The following NFATC2 variants were observed in gnomAD, a reference collection of about 807,000 sequenced individuals.
The protein encoded by NFATC2 is nuclear factor of activated T-cells, cytoplasmic 2.
Under a neutral mutation model 87.3 loss-of-function variants are expected in NFATC2, and 22 were observed. The ratio of observed to expected loss-of-function variants is 0.25; its 90% CI spans 0.18 to 0.36. NFATC2 has a LOEUF of 0.36. NFATC2 is among the 10% of genes least tolerant of loss of function. The pLI is 1.00. For missense variants in NFATC2, 1,149 were observed against 1,259.1 expected (o/e 0.91, Z 1.32); for synonymous variants, 565 against 542.2 (o/e 1.04, Z -0.58).
In NFATC2 at chr20:51,524,497, T is replaced by G. The variant is rs573568169; in HGVS notation, c.131-387A>C. Among the ~76,000 whole-genome samples, 312 of 152,250 alleles carry G rather than the reference T, an allele frequency of 2.0e-3. No individual in the cohort carries two copies. Among genetic ancestry groups the G allele is most frequent in the Non-Finnish European group, 3.5e-3 (239 of 67,998 alleles). ...CTACATGACACCCTCAGACCCTCCC[T>G]CCTGCCTGAGTGATTTTGCTTCAAC... On this transcript the variant is annotated intron_variant, in intron 1 of 10. Coordinates refer to ENST00000371564, the MANE Select transcript of NFATC2 (RefSeq NM_012340.5). The surrounding 1 kb of genome is among the most constrained non-coding windows in gnomAD (Gnocchi z 4.0).
chr20:51,559,862 T>C (rs1461294637), intron 1 of NFATC2, among the ~76,000 whole-genome samples: 1 of 152,238 alleles, frequency 6.6e-6, no homozygotes, highest in Non-Finnish European at 1.5e-5. Flanking sequence ...GAACTGAGCA[T>C]TTTACATGCA....
chr20:51,400,212 C>G (rs556872693), intron 9 of NFATC2, among the ~76,000 whole-genome samples: 1 of 152,216 alleles, frequency 6.6e-6, no homozygotes, highest in African/African-American at 2.4e-5. Flanking sequence ...CACGCCACTC[C>G]CTGTTTTGCT....
intron 2 of NFATC2, among the ~76,000 whole-genome samples, chr20:51,521,589 G>A (rs149110510): frequency 7.5e-4 from 114 of 152,296 alleles, no homozygotes; most frequent in African/African-American, 2.5e-3. Flanking sequence ...CCAAAGTGCT[G>A]GGATTACAGG....
chr20:51,541,980 C>G (rs1292014080), intron 1 of NFATC2, among the ~76,000 whole-genome samples: 4 of 152,174 alleles, frequency 2.6e-5, no homozygotes, highest in Non-Finnish European at 5.9e-5. Flanking sequence ...TAACTCCATT[C>G]TTCGCTTCCT....
intron 9 of NFATC2, among the ~76,000 whole-genome samples, chr20:51,427,511 C>T (rs568253875): frequency 6.6e-6 from 1 of 152,322 alleles, no homozygotes; most frequent in African/African-American, 2.4e-5. Flanking sequence ...ATGCTCCTGT[C>T]ACGGGATTCG....
chr20:51,414,220 C>T lies in NFATC2; in HGVS notation c.2723-15490G>A, dbSNP rs139281302. 7.4e-3 allele frequency among the ~76,000 whole-genome samples: 1,124 copies of T among 152,126 alleles called. 13 individuals carry two copies. The highest frequency in any genetic ancestry group is 0.026 in the African/African-American group (1,062 of 41,486). On this transcript the variant is annotated intron_variant, in intron 9 of 10. Coordinates refer to ENST00000371564, the MANE Select transcript of NFATC2 (RefSeq NM_012340.5). ...AGTCAGCAGTGCAGACAAGTCACAG[C>T]ATTTGTCCTCACTACCCAGAGACTC...
rs548265325 is a variant in NFATC2 at position 51,480,396 on chromosome 20, C to T, written c.1333-4736G>A. Reference sequence around the variant, plus strand: ...TGGAGGGAGAGAAACAAACAGCAACCTAAACAAACAAAAACGGTAGTTCCT... The same window carrying T: ...TGGAGGGAGAGAAACAAACAGCAACTTAAACAAACAAAAACGGTAGTTCCT... On this transcript the variant is annotated intron_variant, in intron 3 of 10. Transcript: ENST00000371564. This position sits in a 1 kb window ranked among gnomAD's most constrained non-coding sequence, Gnocchi z 4.2. 1.4e-3 allele frequency among the ~76,000 whole-genome samples: 213 copies of T among 152,174 alleles called. No individual in the cohort carries two copies. Among genetic ancestry groups the T allele is most frequent in the African/African-American group, 4.6e-3 (191 of 41,532 alleles).
chr20:51,502,804 A>G (rs1481837813), intron 3 of NFATC2, among the ~76,000 whole-genome samples: 1 of 152,226 alleles, frequency 6.6e-6, no homozygotes, highest in East Asian at 1.9e-4. Context: ...CTAGGACAGC[A>G]TTTACAGTTT....
At chr20:51,527,431 C>T (rs946544145) in intron 1 of NFATC2, among the ~76,000 whole-genome samples, 1 of 152,192 alleles carries the variant, frequency 6.6e-6, no homozygotes, top group African/African-American at 2.4e-5. Context: ...GTTCTGTGCA[C>T]ATCTCACCAT....
intron 3 of NFATC2, among the ~76,000 whole-genome samples, chr20:51,488,556 T>C (rs1467753770): frequency 1.3e-5 from 2 of 152,162 alleles, no homozygotes; most frequent in African/African-American, 4.8e-5. Context: ...TCACTCCTAT[T>C]GAGAAACATT....
At chr20:51,411,877 C>G (rs1161425887) in intron 9 of NFATC2, among the ~76,000 whole-genome samples, 1 of 152,162 alleles carries the variant, frequency 6.6e-6, no homozygotes. Flanking sequence ...AGTAGGCACT[C>G]TGCAGATGTG....
chr20:51,499,617 T>G (rs760893444), intron 3 of NFATC2, among the ~76,000 whole-genome samples: 1 of 151,648 alleles, frequency 6.6e-6, no homozygotes, highest in Non-Finnish European at 1.5e-5. Flanking sequence ...CCAGGCGTGG[T>G]GGCTAATACC....
chr20:51,543,639 A>C (rs981682563), upstream of NFATC2, among the ~76,000 whole-genome samples: 1 of 152,164 alleles, frequency 6.6e-6, no homozygotes, highest in Non-Finnish European at 1.5e-5. Context: ...TGCTTGTTTA[A>C]AGCATGATTC....
intron 9 of NFATC2, among the ~76,000 whole-genome samples, chr20:51,425,883 C>T (rs1600706007): frequency 1.3e-5 from 2 of 152,294 alleles, no homozygotes; most frequent in African/African-American, 4.8e-5. Flanking sequence ...AAACCTGGGC[C>T]ACTGGTCCAC....
intron 9 of NFATC2, among the ~76,000 whole-genome samples, chr20:51,408,640 A>C (rs947143738): frequency 6.6e-6 from 1 of 152,164 alleles, no homozygotes; most frequent in Non-Finnish European, 1.5e-5. Flanking sequence ...CCATACAAAA[A>C]AACAGTGAAA....
upstream of NFATC2, chr20:51,562,761 C>A (rs1601031140): frequency 1.0e-5 from 8 of 783,724 alleles, no homozygotes; most frequent in East Asian, 2.3e-4. The surrounding 1 kb of genome is among the most constrained non-coding windows in gnomAD (Gnocchi z 5.8). Flanking sequence ...CGGAGCGACC[C>A]GGGAGCTGCG....
intron 3 of NFATC2, among the ~76,000 whole-genome samples, chr20:51,514,483 A>C (rs1256442338): frequency 6.6e-6 from 1 of 152,216 alleles, no homozygotes; most frequent in African/African-American, 2.4e-5. Flanking sequence ...ATGGTCTAAG[A>C]GAGAGAGACA....
At position 51,539,794 on chromosome 20, in the gene NFATC2, C is replaced by A. The variant is rs538127213; in HGVS notation, c.130+2576G>T. 1.9e-4 allele frequency among the ~76,000 whole-genome samples: 29 copies of A among 152,150 alleles called. No individual in the cohort carries two copies. The East Asian group carries it at 5.2e-3, about 28-fold the overall frequency. ...GATTGCAGGCATGAGCCACCACTCCCGGCCACAGCATCCCTTCTCTTTCTG... is the reference window on the plus strand; with the variant it reads ...GATTGCAGGCATGAGCCACCACTCCAGGCCACAGCATCCCTTCTCTTTCTG... On this transcript the variant is annotated intron_variant, in intron 1 of 10. Coordinates refer to ENST00000371564, the MANE Select transcript of NFATC2 (RefSeq NM_012340.5).
intron 3 of NFATC2, among the ~76,000 whole-genome samples, chr20:51,490,813 A>T (rs1568682883): frequency 6.6e-6 from 1 of 152,236 alleles, no homozygotes; most frequent in Non-Finnish European, 1.5e-5. Flanking sequence ...AATGTTAAAA[A>T]TGCTGACTAA....
Sources: allele counts gnomAD v4.1 joint callset (sites outside exome capture counted in the v4.1 genomes callset), GRCh38; gene constraint gnomAD v4.1.1; non-coding constraint Gnocchi (gnomAD v3.1); transcripts MANE v1.5; gene names NCBI Gene and HGNC (gene_info 2026-07-23, HGNC 2026-07-21).